PRKD1: variants seen among roughly 807,000 people sequenced by gnomAD.
PRKD1 encodes protein kinase D1.
In PRKD1, 63 loss-of-function variants were observed where a neutral mutation model predicts 95.9. That is an observed-to-expected ratio of 0.66 (90% CI 0.54 to 0.81). PRKD1 has a LOEUF of 0.81. Ranked by LOEUF, PRKD1 falls within the 30% of genes least tolerant of loss-of-function variation. The probability of loss-of-function intolerance (pLI) is 0.00; values close to 1 mark genes in which losing one functional copy is unlikely to be tolerated. For missense variants in PRKD1, 1,048 were observed against 1,165.3 expected, an observed-to-expected ratio of 0.90 and a Z score of 1.47; for synonymous variants, 425 against 423.1, an observed-to-expected ratio of 1.00 and a Z score of -0.05.
intron 1 of PRKD1, among the ~76,000 whole-genome samples, chr14:29,783,441 T>C (rs1889136183): frequency 6.6e-6 from 1 of 152,216 alleles, no homozygotes; most frequent in Non-Finnish European, 1.5e-5. Flanking sequence ...CTACCATGAA[T>C]AGTGCTGATA....
intron 1 of PRKD1, among the ~76,000 whole-genome samples, chr14:29,887,478 A>G (rs905748283): frequency 5.3e-5 from 8 of 152,260 alleles, no homozygotes; most frequent in African/African-American, 1.9e-4. Context: ...CAAGAATACT[A>G]TGGAAAAACT....
chr14:29,681,307 T>C (rs1207971689), intron 2 of PRKD1, among the ~76,000 whole-genome samples: 1 of 152,148 alleles, frequency 6.6e-6, no homozygotes, highest in Non-Finnish European at 1.5e-5. Flanking sequence ...CTTGTGTCTT[T>C]AAGTGAGCTT....
intron 17 of PRKD1, 69 bp downstream of exon 17, chr14:29,578,206 C>A: frequency 8.2e-7 from 1 of 1,222,490 alleles, no homozygotes; most frequent in Non-Finnish European, 1.1e-6. Flanking sequence ...CAAAAGATTT[C>A]TAAATATCAA....
chr14:29,598,801 C>T (rs914899327), intron 15 of PRKD1, among the ~76,000 whole-genome samples: 10 of 152,118 alleles, frequency 6.6e-5, no homozygotes, highest in South Asian at 2.1e-4. Context: ...TCCGGAAAAG[C>T]CAAAAGGCAG....
chr14:29,746,350 T>A (rs888621220), intron 1 of PRKD1, among the ~76,000 whole-genome samples: 1 of 152,152 alleles, frequency 6.6e-6, no homozygotes, highest in Non-Finnish European at 1.5e-5. Flanking sequence ...CACTATCCCC[T>A]CAGTCACTCT....
chr14:29,806,704 T>C (rs1374909239), intron 1 of PRKD1, among the ~76,000 whole-genome samples: 1 of 152,172 alleles, frequency 6.6e-6, no homozygotes, highest in African/African-American at 2.4e-5. Flanking sequence ...AAGAAAAAGC[T>C]TAACTGGAGA....
chr14:29,705,308 G>A (rs1485633366), intron 2 of PRKD1, among the ~76,000 whole-genome samples: 1 of 151,936 alleles, frequency 6.6e-6, no homozygotes, highest in Admixed American at 6.6e-5. Context: ...ATACTAGGTT[G>A]CTGCAAAAGT....
At chr14:29,878,547 T>C (rs1394421131) in intron 1 of PRKD1, among the ~76,000 whole-genome samples, 1 of 152,102 alleles carries the variant, frequency 6.6e-6, no homozygotes, top group Non-Finnish European at 1.5e-5. Context: ...CTGCAGTATA[T>C]ACAGAGAAGG....
intron 13 of PRKD1, among the ~76,000 whole-genome samples, chr14:29,613,281 T>C (rs1049108950): frequency 6.6e-6 from 1 of 152,190 alleles, no homozygotes; most frequent in Non-Finnish European, 1.5e-5. Flanking sequence ...TAAAAAGAAG[T>C]CTCCAGTTTC....
intron 2 of PRKD1, among the ~76,000 whole-genome samples, chr14:29,676,203 T>TTTTTTTTTTTTTTTTTC (rs1883205094): frequency 6.9e-6 from 1 of 145,376 alleles, no homozygotes; most frequent in African/African-American, 2.6e-5. Context: ...TTTTTTTTTT[T>TTTTTTTTTTTTTTTTTC]GCTGAGTTGT....
chr14:29,725,437 G>A, intron 2 of PRKD1, 99 bp downstream of exon 2: 2 of 1,407,174 alleles, frequency 1.4e-6, no homozygotes, highest in Non-Finnish European at 9.7e-7. Flanking sequence ...AGCTGAGTTT[G>A]AGATATGCTT....
At chr14:29,875,817 T>C (rs1317976147) in intron 1 of PRKD1, among the ~76,000 whole-genome samples, 1 of 152,224 alleles carries the variant, frequency 6.6e-6, no homozygotes, top group Non-Finnish European at 1.5e-5. Flanking sequence ...TTGTTTTACT[T>C]AATATATAAT....
At chr14:29,900,772 C>T (rs1894292677) in intron 1 of PRKD1, among the ~76,000 whole-genome samples, 1 of 152,036 alleles carries the variant, frequency 6.6e-6, no homozygotes, top group African/African-American at 2.4e-5. Flanking sequence ...CAAATCAAAA[C>T]CACAATGAGA....
At chr14:29,804,588 TA>T (rs10654939) in intron 1 of PRKD1, among the ~76,000 whole-genome samples, 283 of 145,624 alleles carry the variant, frequency 1.9e-3, no homozygotes, top group African/African-American at 4.8e-3. Flanking sequence ...ACAATCCAAC[TA>T]AAAAAAAAAA....
At chr14:29,909,031 C>T (rs563265571) in intron 1 of PRKD1, among the ~76,000 whole-genome samples, 22 of 152,290 alleles carry the variant, frequency 1.4e-4, no homozygotes, top group Admixed American at 6.5e-4. Flanking sequence ...CTGCGAGTGG[C>T]GCTCACGGGT....
intron 1 of PRKD1, among the ~76,000 whole-genome samples, chr14:29,750,611 C>T (rs1017746158): frequency 1.1e-4 from 15 of 135,644 alleles, no homozygotes; most frequent in African/African-American, 3.4e-4. Flanking sequence ...GATGCATGAA[C>T]GCGCGCACAC....
At chr14:29,881,538 T>A (rs1041081397) in intron 1 of PRKD1, among the ~76,000 whole-genome samples, 19 of 152,198 alleles carry the variant, frequency 1.2e-4, no homozygotes, top group African/African-American at 4.6e-4. Flanking sequence ...TCTGACCCAC[T>A]CCTTCTCCAT....
At chr14:29,818,379 T>C (rs1447502416) in intron 1 of PRKD1, among the ~76,000 whole-genome samples, 2 of 152,212 alleles carry the variant, frequency 1.3e-5, no homozygotes, top group Admixed American at 1.3e-4. Context: ...TTAACCAGTC[T>C]AAATATTTGC....
At chr14:29,706,784 T>C (rs1391943344) in intron 2 of PRKD1, among the ~76,000 whole-genome samples, 1 of 152,050 alleles carries the variant, frequency 6.6e-6, no homozygotes, top group African/African-American at 2.4e-5. Flanking sequence ...CCAGCAAAAG[T>C]GTAATTATAA....
Sources: allele counts gnomAD v4.1 joint callset (sites outside exome capture counted in the v4.1 genomes callset), GRCh38; gene constraint gnomAD v4.1.1; transcripts MANE v1.5; gene names NCBI Gene and HGNC (gene_info 2026-07-23, HGNC 2026-07-21).